The following ABHD17C variants were observed in gnomAD, a reference collection of about 807,000 sequenced individuals.
ABHD17C encodes the protein abhydrolase domain containing 17C, depalmitoylase.
ABHD17C carries 11 observed loss-of-function variants against 27.9 expected under a neutral mutation model. The observed-to-expected ratio is 0.39, with a 90% CI of 0.25 to 0.65. ABHD17C has a LOEUF of 0.65. Among genes scored for constraint, ABHD17C ranks in the 30% least tolerant of loss-of-function variants. The probability of loss-of-function intolerance (pLI) is 0.45; values close to 1 mark genes in which losing one functional copy is unlikely to be tolerated. For synonymous variants in ABHD17C, 233 were observed against 209.1 expected, an observed-to-expected ratio of 1.11 and a Z score of -0.98; for missense variants, 280 against 470.2, an observed-to-expected ratio of 0.60 and a Z score of 3.74.
intron 1 of ABHD17C, among the ~76,000 whole-genome samples, chr15:80,714,600 C>T (rs531411616): frequency 2.6e-5 from 4 of 152,278 alleles, no homozygotes; most frequent in South Asian, 2.1e-4. Flanking sequence ...ATGCTCAAGA[C>T]GTACGCTAGG....
chr15:80,710,386 G>A (rs149562753), intron 1 of ABHD17C, among the ~76,000 whole-genome samples: 3 of 152,320 alleles, frequency 2.0e-5, no homozygotes, highest in Non-Finnish European at 2.9e-5. Context: ...CAGGAAATGG[G>A]AGCCATTGGA....
At chr15:80,719,765 T>TAC (rs1894865468) in intron 1 of ABHD17C, among the ~76,000 whole-genome samples, 1 of 152,188 alleles carries the variant, frequency 6.6e-6, no homozygotes, top group African/African-American at 2.4e-5. Context: ...TTCTTTATAT[T>TAC]ACATTTTACA....
chr15:80,702,089 T>C (rs1894581253), intron 1 of ABHD17C, among the ~76,000 whole-genome samples: 1 of 152,248 alleles, frequency 6.6e-6, no homozygotes, highest in Admixed American at 6.5e-5. Flanking sequence ...ATCTGACAGA[T>C]GACTTCATTT....
At chr15:80,728,040 G>A (rs1398104247) in intron 1 of ABHD17C, among the ~76,000 whole-genome samples, 2 of 152,164 alleles carry the variant, frequency 1.3e-5, no homozygotes, top group African/African-American at 2.4e-5. Flanking sequence ...GCCTAAGAGC[G>A]TTGTGGTCTT....
chr15:80,748,519 G>A (rs1895322069), intron 1 of ABHD17C, among the ~76,000 whole-genome samples: 3 of 152,026 alleles, frequency 2.0e-5, no homozygotes, highest in South Asian at 2.1e-4. Flanking sequence ...ATGTTCTAGT[G>A]AAATTATCAC....
intron 1 of ABHD17C, among the ~76,000 whole-genome samples, chr15:80,737,983 A>C (rs570176817): frequency 6.6e-6 from 1 of 151,716 alleles, no homozygotes; most frequent in South Asian, 2.1e-4. Flanking sequence ...TTCTTTTTTC[A>C]AGGAAGATAT....
intron 1 of ABHD17C, among the ~76,000 whole-genome samples, chr15:80,699,420 A>C (rs1033611561): frequency 6.7e-6 from 1 of 148,294 alleles, no homozygotes; most frequent in African/African-American, 2.5e-5. Context: ...AACCATAGAC[A>C]AAAAAAAAAG....
intron 1 of ABHD17C, 116 bp downstream of exon 1, chr15:80,696,135 G>A (rs1894492112): frequency 9.1e-7 from 1 of 1,100,012 alleles, no homozygotes; most frequent in South Asian, 1.5e-5. Context: ...GGGGCTGAGG[G>A]CCAGCGGAGA....
chr15:80,751,205 A>AAT (rs1555423971), intron 2 of ABHD17C, among the ~76,000 whole-genome samples: 11 of 151,214 alleles, frequency 7.3e-5, no homozygotes, highest in South Asian at 2.1e-4. Flanking sequence ...CAAAAAAAAA[A>AAT]AATAATTAGA....
At chr15:80,738,003 G>A (rs976862945) in intron 1 of ABHD17C, among the ~76,000 whole-genome samples, 1 of 152,096 alleles carries the variant, frequency 6.6e-6, no homozygotes, top group Non-Finnish European at 1.5e-5. Context: ...TATCTGTTGG[G>A]AAGGACGGAT....
intron 1 of ABHD17C, among the ~76,000 whole-genome samples, chr15:80,707,571 C>CA (rs1295808927): frequency 1.4e-3 from 200 of 139,328 alleles, no homozygotes; most frequent in Middle Eastern, 0.011. Flanking sequence ...AGCCCCCCCT[C>CA]AAAAAAAAAA....
intron 1 of ABHD17C, among the ~76,000 whole-genome samples, chr15:80,706,324 C>T (rs566770762): frequency 1.3e-5 from 2 of 152,226 alleles, no homozygotes; most frequent in Non-Finnish European, 2.9e-5. Context: ...TCCAGGAAGT[C>T]GAGGTCATTC....
rs574681093 is a variant in ABHD17C at position 80,748,763 on chromosome 15, G to A, written c.591-750G>A. On this transcript the variant is annotated intron_variant, in intron 1 of 2. Coordinates refer to ENST00000258884, the MANE Select transcript of ABHD17C (RefSeq NM_021214.2). ...ATCTACTTGCCACCACCAGGAAGGC[G>A]GAAGGCATGGGGAATGCACACCATT... Among the ~76,000 whole-genome samples the A allele has an allele frequency of 3.3e-5, 5 of 149,802 alleles. No homozygotes were observed. In the South Asian group the frequency reaches 1.1e-3, roughly 32 times the overall value.
chr15:80,739,599 CT>C (rs930128936), intron 1 of ABHD17C, among the ~76,000 whole-genome samples: 5 of 152,272 alleles, frequency 3.3e-5, no homozygotes, highest in African/African-American at 1.2e-4. Context: ...CCTGACATCT[CT>C]CTTGTTCTCT....
At chr15:80,705,367 G>GTGTGTGTGTGTGTGTGTGTGTGT (rs57722326) in intron 1 of ABHD17C, among the ~76,000 whole-genome samples, 126 of 150,138 alleles carry the variant, frequency 8.4e-4, no homozygotes, top group South Asian at 1.3e-3. Flanking sequence ...GTGTGTGTGT[G>GTGTGTGTGTGTGTGTGTGTGTGT]GTTAGGAGCA....
At chr15:80,716,704 A>G (rs1342802378) in intron 1 of ABHD17C, among the ~76,000 whole-genome samples, 1 of 152,202 alleles carries the variant, frequency 6.6e-6, no homozygotes, top group Non-Finnish European at 1.5e-5. Flanking sequence ...TCATATTTGA[A>G]TTCCCTACAG....
At chr15:80,707,584 G>A (rs1366927233) in intron 1 of ABHD17C, among the ~76,000 whole-genome samples, 1 of 151,146 alleles carries the variant, frequency 6.6e-6, no homozygotes, top group African/African-American at 2.4e-5. Flanking sequence ...AAAAAAAAAC[G>A]CAAAAAATCT....
intron 1 of ABHD17C, among the ~76,000 whole-genome samples, chr15:80,699,134 C>T (rs1291740869): frequency 1.3e-5 from 2 of 152,152 alleles, no homozygotes; most frequent in South Asian, 2.1e-4. Context: ...TGGTACTCAG[C>T]CCCTTTGCTT....
intron 1 of ABHD17C, among the ~76,000 whole-genome samples, chr15:80,708,953 A>G (rs1438137503): frequency 6.6e-6 from 1 of 152,112 alleles, no homozygotes; most frequent in Non-Finnish European, 1.5e-5. Context: ...ACCTGGGGAC[A>G]TGAAGTTCCT....
Sources: gnomAD v4.1 joint callset for allele counts (sites outside exome capture counted in the v4.1 genomes callset) on GRCh38, gnomAD v4.1.1 for gene constraint, MANE v1.5 for transcripts, NCBI Gene and HGNC (gene_info 2026-07-23, HGNC 2026-07-21) for gene names.